PCLO: variants seen among roughly 807,000 people sequenced by gnomAD.
PCLO encodes the protein protein piccolo.
A neutral mutation model predicts 427.5 loss-of-function variants in PCLO; 82 were observed. That is an observed-to-expected ratio of 0.19 (90% CI 0.16 to 0.23). The LOEUF (loss-of-function observed/expected upper bound fraction) is 0.23, where lower values mean the gene tolerates loss of function less well. Ranked by LOEUF, PCLO falls within the 10% of genes least tolerant of loss-of-function variation. The pLI, the probability that PCLO is intolerant of heterozygous loss-of-function variation, is 1.00. For synonymous variants in PCLO, 2,357 were observed against 2,155.4 expected (o/e 1.09, Z -2.59); for missense variants, 6,239 against 6,115.9 (o/e 1.02, Z -0.67).
intron 3 of PCLO, among the ~76,000 whole-genome samples, chr7:83,133,324 C>G (rs1439582679): frequency 6.6e-6 from 1 of 151,732 alleles, no homozygotes; most frequent in Non-Finnish European, 1.5e-5. Context: ...TGTATGAAAC[C>G]TTGGAACAAT....
At position 82,949,761 on chromosome 7, in the gene PCLO, TGTG is replaced by T. The variant is rs1407951829; in HGVS notation, c.10824_10826del (p.Thr3609del). The T allele has an allele frequency of 6.2e-7, 1 of 1,613,856 alleles. No individual in the cohort carries two copies. Among genetic ancestry groups the T allele is most frequent in the East Asian group, 2.2e-5 (1 of 44,848 alleles). On this transcript the variant is annotated inframe_deletion, in exon 6 of 25. Coordinates refer to ENST00000333891, the MANE Select transcript of PCLO (RefSeq NM_033026.6). Reference sequence around the variant, plus strand: ...TGGGTGGGGAAGGAGCCAGCTGTACTGTGGAATCTGCCCGGAGGTGAGATGAAT... The same window carrying T: ...TGGGTGGGGAAGGAGCCAGCTGTACTGAATCTGCCCGGAGGTGAGATGAAT...
chr7:83,008,669 G>T (rs1422051944), intron 3 of PCLO, among the ~76,000 whole-genome samples: 3 of 151,678 alleles, frequency 2.0e-5, no homozygotes, highest in Non-Finnish European at 4.4e-5. Flanking sequence ...AGAATGCTTT[G>T]CAGGGTTAGG....
At chr7:82,933,079 T>C (rs1164514744) in intron 6 of PCLO, among the ~76,000 whole-genome samples, 1 of 151,996 alleles carries the variant, frequency 6.6e-6, no homozygotes, top group Non-Finnish European at 1.5e-5. Flanking sequence ...TATTTTCTGT[T>C]GCAAAGCCCT....
intron 3 of PCLO, among the ~76,000 whole-genome samples, chr7:83,070,747 A>T (rs535358882): frequency 6.6e-6 from 1 of 152,262 alleles, no homozygotes; most frequent in South Asian, 2.1e-4. Flanking sequence ...AACACACACT[A>T]AACAGTGACA....
chr7:83,111,802 A>C (rs1791009418), intron 3 of PCLO, among the ~76,000 whole-genome samples: 1 of 152,190 alleles, frequency 6.6e-6, no homozygotes, highest in Admixed American at 6.5e-5. Flanking sequence ...TAAAATTAAC[A>C]TTGTTGCAGA....
intron 3 of PCLO, among the ~76,000 whole-genome samples, chr7:82,970,940 T>C (rs892862589): frequency 2.6e-5 from 4 of 151,800 alleles, no homozygotes; most frequent in Admixed American, 6.6e-5. Context: ...CCAGAAAAAT[T>C]TGCTTCTCCC....
chr7:82,895,311 T>G (rs537850132), intron 9 of PCLO, among the ~76,000 whole-genome samples: 1 of 151,924 alleles, frequency 6.6e-6, no homozygotes, highest in South Asian at 2.1e-4. Flanking sequence ...ATGCATGGGA[T>G]GCAGTAAAGT....
chr7:82,869,622 G>A lies in PCLO; in HGVS notation c.13654+9715C>T, dbSNP rs534568019. ...GTTACAATTAAAACAGTGTGATATCGGTGTAGGGATAGAAAAATAGACCAG... is the reference window on the plus strand; with the variant it reads ...GTTACAATTAAAACAGTGTGATATCAGTGTAGGGATAGAAAAATAGACCAG... On this transcript the variant is annotated intron_variant, in intron 10 of 24. Coordinates refer to ENST00000333891, the MANE Select transcript of PCLO (RefSeq NM_033026.6). 7.0e-4 allele frequency among the ~76,000 whole-genome samples: 107 copies of A among 151,980 alleles called. 1 individual carries two copies. Among genetic ancestry groups the A allele is most frequent in the African/African-American group, 2.4e-3 (99 of 41,488 alleles).
At chr7:82,914,096 A>T (rs1794386752) in intron 7 of PCLO, among the ~76,000 whole-genome samples, 1 of 152,052 alleles carries the variant, frequency 6.6e-6, no homozygotes, top group African/African-American at 2.4e-5. Context: ...AGAGAGAAAG[A>T]TAAAACAGAA....
At chr7:82,801,624 G>C (rs1385273562) in intron 21 of PCLO, 33 bp from the exon 22 acceptor site, 1 of 1,299,112 alleles carries the variant, frequency 7.7e-7, no homozygotes, top group South Asian at 1.2e-5. Flanking sequence ...GATATATTCA[G>C]TTATGATCTC....
At chr7:82,922,651 G>T (rs913626051) in intron 6 of PCLO, among the ~76,000 whole-genome samples, 2 of 151,924 alleles carry the variant, frequency 1.3e-5, no homozygotes, top group Non-Finnish European at 2.9e-5. Flanking sequence ...CGTTACCTGG[G>T]TGAAGAAATA....
chr7:83,076,820 T>C (rs1166536746), intron 3 of PCLO, among the ~76,000 whole-genome samples: 3 of 151,848 alleles, frequency 2.0e-5, no homozygotes, highest in Admixed American at 6.6e-5. Flanking sequence ...GTGACCTTCC[T>C]ACCTTTAAGG....
chr7:83,116,436 T>A (rs1791133693), intron 3 of PCLO, among the ~76,000 whole-genome samples: 1 of 152,202 alleles, frequency 6.6e-6, no homozygotes, highest in Non-Finnish European at 1.5e-5. Flanking sequence ...CAAGTTTTCC[T>A]ACTGTTTCTT....
In PCLO at chr7:82,845,449, T is replaced by C; in HGVS notation, c.13868A>G (p.Gln4623Arg). ...KAKSPGVDPK[Q>R]LAAELQKVSL... ...AACCTTCTGGAGTTCTGCTGCCAAC[T>C]GCTTAGGATCAACCCCTGGGGATTT... The change falls in exon 13 of 25, where the codon CAG (glutamine) becomes CGG (arginine). Residue 4623 changes from glutamine to arginine, a missense_variant. Transcript: ENST00000333891. 1 of 1,613,060 alleles carries C rather than the reference T, an allele frequency of 6.2e-7. No individual in the cohort carries two copies. Among genetic ancestry groups the C allele is most frequent in the Non-Finnish European group, 8.5e-7 (1 of 1,179,460 alleles).
chr7:83,000,286 AG>A (rs1787786854), intron 3 of PCLO, among the ~76,000 whole-genome samples: 9 of 151,132 alleles, frequency 6.0e-5, no homozygotes, highest in East Asian at 2.0e-4. Context: ...AGAGAGAGAG[AG>A]AGAGAGAGAG....
chr7:83,008,639 C>T (rs1788005696), intron 3 of PCLO, among the ~76,000 whole-genome samples: 2 of 151,440 alleles, frequency 1.3e-5, no homozygotes, highest in Middle Eastern at 3.2e-3. Context: ...GCTAAGAATA[C>T]GTAGCCAAGA....
At chr7:83,028,049 G>C (rs1562927829) in intron 3 of PCLO, among the ~76,000 whole-genome samples, 1 of 148,620 alleles carries the variant, frequency 6.7e-6, no homozygotes, top group Non-Finnish European at 1.5e-5. Flanking sequence ...ACTGGCACAA[G>C]ACAGGGATGC....
chr7:83,057,333 TA>T (rs1789410509), intron 3 of PCLO, among the ~76,000 whole-genome samples: 11 of 19,982 alleles, frequency 5.5e-4, no homozygotes, highest in African/African-American at 2.0e-3. Flanking sequence ...TATATATATA[TA>T]TATATATATA....
Position 82,757,847 on chromosome 7 carries a change from C to A in PCLO, c.*728G>T, listed in dbSNP as rs1466996329. On this transcript the variant is annotated 3_prime_UTR_variant, in exon 25 of 25. Coordinates refer to ENST00000333891, the MANE Select transcript of PCLO (RefSeq NM_033026.6). ...TCATAGTTTTATTTCTAGATAAATT[C>A]AATTTTATTTCTACTGAGTATTATC... 6.6e-6 allele frequency: 1 copy of A among 151,912 alleles called. No homozygotes were observed. The highest frequency in any genetic ancestry group is 1.5e-5 in the Non-Finnish European group (1 of 67,904). The allele number at this position is 151,912 out of a possible 1,614,324, so 9.4% of individuals were successfully genotyped here.
Sources: allele counts gnomAD v4.1 joint callset (sites outside exome capture counted in the v4.1 genomes callset), GRCh38; gene constraint gnomAD v4.1.1; transcripts MANE v1.5; gene names NCBI Gene and HGNC (gene_info 2026-07-23, HGNC 2026-07-21).